Variants in GALNT17 observed in about 807,000 individuals in gnomAD.
GALNT17 encodes polypeptide N-acetylgalactosaminyltransferase 17.
Under a neutral mutation model 63.7 loss-of-function variants are expected in GALNT17, and 29 were observed. The ratio of observed to expected loss-of-function variants is 0.46; its 90% CI spans 0.34 to 0.62. The LOEUF (loss-of-function observed/expected upper bound fraction) is 0.62. GALNT17 is among the 20% of genes least tolerant of loss of function. The probability of loss-of-function intolerance (pLI) is 0.01; values close to 1 mark genes in which losing one functional copy is unlikely to be tolerated. For missense variants in GALNT17, 603 were observed against 799.6 expected (o/e 0.75, Z 2.97); for synonymous variants, 305 against 318.3 (o/e 0.96, Z 0.45).
At chr7:71,243,551 T>C (rs546872089) in intron 1 of GALNT17, among the ~76,000 whole-genome samples, 4 of 152,278 alleles carry the variant, frequency 2.6e-5, no homozygotes, top group African/African-American at 9.6e-5. Context: ...CCTTTGCTAT[T>C]GTTTCTCTTT....
At chr7:71,305,324 G>C (rs1791270433) in intron 1 of GALNT17, among the ~76,000 whole-genome samples, 1 of 152,204 alleles carries the variant, frequency 6.6e-6, no homozygotes, top group Non-Finnish European at 1.5e-5. Context: ...TCAGTTAGCA[G>C]ATTTTTATTT....
intron 5 of GALNT17, among the ~76,000 whole-genome samples, chr7:71,433,351 C>T (rs1024149835): frequency 1.3e-5 from 2 of 152,188 alleles, no homozygotes; most frequent in African/African-American, 4.8e-5. Context: ...GGGTCACCCC[C>T]ATCTGTGGAG....
chr7:71,583,628 T>A (rs2116903867), intron 6 of GALNT17, among the ~76,000 whole-genome samples: 1 of 152,262 alleles, frequency 6.6e-6, no homozygotes, highest in South Asian at 2.1e-4. Flanking sequence ...AGCAGGGCCA[T>A]TTTGCTATCT....
chr7:71,648,270 C>CT lies in GALNT17; in HGVS notation c.1081-17125dup, dbSNP rs200155271. On this transcript the variant is annotated intron_variant, in intron 6 of 10. Transcript: ENST00000333538. ...TCAGATCAGCTGCTGTCATGAGCTACTTTTTTTTTTTTTTTTAAGAGACAA... is the reference window on the plus strand; with the variant it reads ...TCAGATCAGCTGCTGTCATGAGCTACTTTTTTTTTTTTTTTTTAAGAGACAA... Among the ~76,000 whole-genome samples the CT allele has an allele frequency of 0.018, 2,532 of 142,546 alleles. 267 individuals carry two copies. In the East Asian group the frequency reaches 0.31, roughly 18 times the overall value. 93.5% of individuals were successfully genotyped at this position (142,546 alleles called of 152,430 possible). A position where few individuals can be genotyped will look rare whatever the true frequency, so the allele number is the denominator to read the frequency against.
At chr7:71,391,507 G>T (rs914566761) in intron 3 of GALNT17, among the ~76,000 whole-genome samples, 1 of 152,064 alleles carries the variant, frequency 6.6e-6, no homozygotes, top group African/African-American at 2.4e-5. Flanking sequence ...TTGAGACAGG[G>T]TCTCTCACTC....
chr7:71,578,091 C>T (rs1183562582), intron 6 of GALNT17, among the ~76,000 whole-genome samples: 2 of 151,484 alleles, frequency 1.3e-5, no homozygotes, highest in Non-Finnish European at 2.9e-5. Flanking sequence ...GGCTGGAGTG[C>T]AGTGGCGCAG....
At chr7:71,570,602 G>A (rs1789423617) in intron 5 of GALNT17, among the ~76,000 whole-genome samples, 1 of 152,078 alleles carries the variant, frequency 6.6e-6, no homozygotes, top group African/African-American at 2.4e-5. Flanking sequence ...TCCTATGTGT[G>A]CAGACGCCAT....
At position 71,691,165 on chromosome 7, in the gene GALNT17, C is replaced by A. The variant is rs142821303; in HGVS notation, c.1500+13859C>A. 4.5e-4 allele frequency among the ~76,000 whole-genome samples: 69 copies of A among 152,176 alleles called. 1 individual carries two copies. The East Asian group carries it at 0.011, about 23-fold the overall frequency. Reference sequence around the variant, plus strand: ...TCTTATTTTAAGAAATTGCCACAGCCGCCCCAACATTCAGCAACCACCACC... The same window carrying A: ...TCTTATTTTAAGAAATTGCCACAGCAGCCCCAACATTCAGCAACCACCACC... On this transcript the variant is annotated intron_variant, in intron 9 of 10. Coordinates refer to ENST00000333538, the MANE Select transcript of GALNT17 (RefSeq NM_022479.3).
intron 1 of GALNT17, among the ~76,000 whole-genome samples, chr7:71,304,232 A>G (rs1317416514): frequency 6.6e-6 from 1 of 152,206 alleles, no homozygotes; most frequent in African/African-American, 2.4e-5. Context: ...TCTTTTACCC[A>G]ACAGATACTT....
intron 1 of GALNT17, among the ~76,000 whole-genome samples, chr7:71,207,482 T>A (rs921579387): frequency 6.6e-6 from 1 of 152,170 alleles, no homozygotes; most frequent in Non-Finnish European, 1.5e-5. Flanking sequence ...GATACCGTAT[T>A]TCATTCTTCT....
chr7:71,356,349 T>C (rs1284721542), intron 2 of GALNT17, among the ~76,000 whole-genome samples: 1 of 152,098 alleles, frequency 6.6e-6, no homozygotes, highest in Admixed American at 6.6e-5. Context: ...GGTGCCTTTG[T>C]CTGTGTTGCT....
At chr7:71,450,139 ATTTTTTT>A (rs55881759) in intron 5 of GALNT17, among the ~76,000 whole-genome samples, 1 of 130,098 alleles carries the variant, frequency 7.7e-6, no homozygotes, top group African/African-American at 2.9e-5. Flanking sequence ...GTATTTAAAG[ATTTTTTT>A]TTTTTTTTTG....
chr7:71,636,218 A>G (rs1331403635), intron 6 of GALNT17, among the ~76,000 whole-genome samples: 1 of 152,252 alleles, frequency 6.6e-6, no homozygotes, highest in Non-Finnish European at 1.5e-5. Flanking sequence ...TGTGCAATAC[A>G]TTGTTGTTCA....
At chr7:71,474,589 GAATC>G (rs1196259999) in intron 5 of GALNT17, among the ~76,000 whole-genome samples, 1 of 152,140 alleles carries the variant, frequency 6.6e-6, no homozygotes, top group Non-Finnish European at 1.5e-5. Context: ...ATTCATGGGA[GAATC>G]AATAAGGTGT....
chr7:71,682,062 G>T (rs986200293), intron 9 of GALNT17, among the ~76,000 whole-genome samples: 1 of 151,986 alleles, frequency 6.6e-6, no homozygotes, highest in Non-Finnish European at 1.5e-5. Context: ...GAGTAGTTGG[G>T]ATTACAGGCG....
At chr7:71,187,189 A>G (rs1031057829) in intron 1 of GALNT17, among the ~76,000 whole-genome samples, 1 of 152,082 alleles carries the variant, frequency 6.6e-6, no homozygotes, top group Non-Finnish European at 1.5e-5. Flanking sequence ...GCAGGATCAT[A>G]AGTCACTGCA....
At position 71,319,631 on chromosome 7, in the gene GALNT17, A is replaced by G. The variant is rs138608704; in HGVS notation, c.239-15919A>G. Among the ~76,000 whole-genome samples, 208 of 152,260 alleles carry G rather than the reference A, an allele frequency of 1.4e-3. 3 individuals carry two copies. In the East Asian group the frequency reaches 0.033, roughly 24 times the overall value. ...TTTGGATGTCTACTAGGCACCTCCAATGTTGTATGTCCCAACCAAACTCTT... is the reference window on the plus strand; with the variant it reads ...TTTGGATGTCTACTAGGCACCTCCAGTGTTGTATGTCCCAACCAAACTCTT... On this transcript the variant is annotated intron_variant, in intron 1 of 10. Coordinates refer to ENST00000333538, the MANE Select transcript of GALNT17 (RefSeq NM_022479.3).
At chr7:71,230,051 A>G (rs1789759235) in intron 1 of GALNT17, among the ~76,000 whole-genome samples, 1 of 152,128 alleles carries the variant, frequency 6.6e-6, no homozygotes, top group Admixed American at 6.5e-5. Context: ...GCCAAGGAGA[A>G]TAGGCCCAGT....
chr7:71,368,496 A>T (rs1792556669), intron 2 of GALNT17, among the ~76,000 whole-genome samples: 1 of 152,010 alleles, frequency 6.6e-6, no homozygotes, highest in Admixed American at 6.6e-5. Flanking sequence ...GACCCAGTTC[A>T]AATTTTGTCA....
Sources: gnomAD v4.1 joint callset for allele counts (sites outside exome capture counted in the v4.1 genomes callset) on GRCh38, gnomAD v4.1.1 for gene constraint, MANE v1.5 for transcripts, NCBI Gene and HGNC (gene_info 2026-07-23, HGNC 2026-07-21) for gene names.